Variants in NT5DC1 observed in about 807,000 individuals in gnomAD.
NT5DC1 encodes the protein 5'-nucleotidase domain-containing protein 1.
In NT5DC1, 42 loss-of-function variants were observed where a neutral mutation model predicts 59.4. That is an observed-to-expected ratio of 0.71 (90% CI 0.55 to 0.92). The LOEUF is 0.92. NT5DC1 is among the 40% of genes least tolerant of loss of function. The pLI, the probability that NT5DC1 is intolerant of heterozygous loss-of-function variation, is 0.00. For synonymous variants in NT5DC1, 172 were observed against 188.1 expected (o/e 0.91, Z 0.70); for missense variants, 501 against 537.1 (o/e 0.93, Z 0.66).
Position 116,131,878 on chromosome 6 carries a change from A to G in NT5DC1, c.529+13933A>G, listed in dbSNP as rs186355817. ...GTGTGTTGTTCCTCTCTATGTGTCC[A>G]TGGTTTCTTATCATTTAGCTCCTAC... is the stretch of plus-strand genomic sequence containing the variant. On this transcript the variant is annotated intron_variant, in intron 6 of 11. Coordinates refer to ENST00000319550, the MANE Select transcript of NT5DC1 (RefSeq NM_152729.3). 6.1e-3 allele frequency among the ~76,000 whole-genome samples: 934 copies of G among 152,084 alleles called. 7 individuals carry two copies. The highest frequency in any genetic ancestry group is 0.031 in the Middle Eastern group (9 of 294).
chr6:116,108,325 A>T, intron 2 of NT5DC1, 39 bp from the exon 3 acceptor site: 1 of 1,278,830 alleles, frequency 7.8e-7, no homozygotes, highest in Non-Finnish European at 1.1e-6. Context: ...GGTTAGCTAA[A>T]TATAGGAATT....
rs545003659 is a variant in NT5DC1 at position 116,150,284 on chromosome 6, CT to C, written c.529+32344del. Among the ~76,000 whole-genome samples the C allele has an allele frequency of 3.0e-3, 456 of 151,682 alleles. 7 individuals are homozygous for C. The highest frequency in any genetic ancestry group is 0.012 in the South Asian group (57 of 4,808). ...GAAAATGGTTTTTTTTTTATTTTAA[CT>C]TTTTAATTATTATTTTTTCAGACAA... On this transcript the variant is annotated intron_variant, in intron 6 of 11. Transcript: ENST00000319550.
intron 6 of NT5DC1, among the ~76,000 whole-genome samples, chr6:116,165,089 T>G (rs1354849279): frequency 6.1e-5 from 6 of 98,290 alleles, no homozygotes; most frequent in Non-Finnish European, 1.2e-4. Context: ...AGAGCGAGAC[T>G]CCGTCTCAGA....
chr6:116,152,557 C>T (rs1264700072), intron 6 of NT5DC1, among the ~76,000 whole-genome samples: 1 of 152,090 alleles, frequency 6.6e-6, no homozygotes, highest in African/African-American at 2.4e-5. Context: ...GATTTATTCC[C>T]CTCTATCTCA....
chr6:116,132,369 C>G (rs568136925), intron 6 of NT5DC1, among the ~76,000 whole-genome samples: 5 of 152,270 alleles, frequency 3.3e-5, no homozygotes, highest in East Asian at 1.9e-4. Flanking sequence ...GACCATTTCT[C>G]TAGCCTACTT....
intron 6 of NT5DC1, among the ~76,000 whole-genome samples, chr6:116,166,273 T>C (rs749898950): frequency 1.6e-4 from 24 of 152,276 alleles, no homozygotes; most frequent in Non-Finnish European, 3.4e-4. Context: ...ATCATGACCA[T>C]TCATCTATGT....
chr6:116,210,401 G>T (rs1781550994), intron 6 of NT5DC1, among the ~76,000 whole-genome samples: 1 of 151,780 alleles, frequency 6.6e-6, no homozygotes, highest in Non-Finnish European at 1.5e-5. Context: ...TGGTGACCCT[G>T]TAGTTACCAT....
chr6:116,162,392 G>T (rs1288027097), intron 6 of NT5DC1, among the ~76,000 whole-genome samples: 1 of 152,116 alleles, frequency 6.6e-6, no homozygotes, highest in Non-Finnish European at 1.5e-5. Context: ...TTCCCTGTAA[G>T]TATGATGTTG....
intron 6 of NT5DC1, among the ~76,000 whole-genome samples, chr6:116,209,710 A>G (rs1781534777): frequency 6.6e-6 from 1 of 151,838 alleles, no homozygotes; most frequent in South Asian, 2.1e-4. Context: ...TTCCTATCTC[A>G]GTGGAAGGTC....
intron 6 of NT5DC1, among the ~76,000 whole-genome samples, chr6:116,123,699 A>G (rs1325734331): frequency 6.6e-6 from 1 of 152,208 alleles, no homozygotes; most frequent in Non-Finnish European, 1.5e-5. Flanking sequence ...AATGTCTGCC[A>G]ATGGATGATA....
chr6:116,237,120 C>G, intron 9 of NT5DC1, 36 bp downstream of exon 9: 1 of 1,157,946 alleles, frequency 8.6e-7, no homozygotes, highest in South Asian at 1.2e-5. Flanking sequence ...TCAGTGCCCA[C>G]TTGCAGACAT....
chr6:116,211,462 T>C (rs944107374), intron 6 of NT5DC1, among the ~76,000 whole-genome samples: 4 of 152,130 alleles, frequency 2.6e-5, no homozygotes, highest in Non-Finnish European at 5.9e-5. Flanking sequence ...TCTCTTTAAA[T>C]AGTTCTTTTT....
intron 6 of NT5DC1, among the ~76,000 whole-genome samples, chr6:116,128,181 T>G (rs140727907): frequency 1.6e-4 from 25 of 152,284 alleles, no homozygotes; most frequent in African/African-American, 4.8e-4. Context: ...TTTTGGAAAA[T>G]GTGGTGTCCT....
At chr6:116,190,927 C>T (rs1179242134) in intron 6 of NT5DC1, among the ~76,000 whole-genome samples, 2 of 151,896 alleles carry the variant, frequency 1.3e-5, no homozygotes, top group East Asian at 3.9e-4. Flanking sequence ...AGGATGAATA[C>T]AAGGAAATCC....
intron 6 of NT5DC1, among the ~76,000 whole-genome samples, chr6:116,220,672 T>G (rs375403175): frequency 1.9e-4 from 29 of 152,354 alleles, no homozygotes; most frequent in African/African-American, 7.0e-4. Flanking sequence ...GATTTGTTTC[T>G]TGTCTGTATT....
At chr6:116,188,828 A>G (rs1265448585) in intron 6 of NT5DC1, among the ~76,000 whole-genome samples, 4 of 151,714 alleles carry the variant, frequency 2.6e-5, no homozygotes, top group South Asian at 2.1e-4. Context: ...AAGATTATGT[A>G]TAACTTCTGA....
At chr6:116,209,400 T>C (rs549859470) in intron 6 of NT5DC1, among the ~76,000 whole-genome samples, 81 of 152,164 alleles carry the variant, frequency 5.3e-4, no homozygotes, top group Non-Finnish European at 8.7e-4. Flanking sequence ...AGGAATCCTC[T>C]GGTACTTGCC....
chr6:116,195,330 A>C (rs576309941), intron 6 of NT5DC1, among the ~76,000 whole-genome samples: 4 of 152,204 alleles, frequency 2.6e-5, no homozygotes, highest in African/African-American at 9.6e-5. Context: ...AATTGACTCA[A>C]ACATTGGAAA....
chr6:116,152,166 T>C (rs1780059123), intron 6 of NT5DC1, among the ~76,000 whole-genome samples: 1 of 152,198 alleles, frequency 6.6e-6, no homozygotes, highest in Non-Finnish European at 1.5e-5. Flanking sequence ...ATACTTTCAG[T>C]ATGGTTGACT....
Sources: gnomAD v4.1 joint callset for allele counts (sites outside exome capture counted in the v4.1 genomes callset) on GRCh38, gnomAD v4.1.1 for gene constraint, MANE v1.5 for transcripts, NCBI Gene and HGNC (gene_info 2026-07-23, HGNC 2026-07-21) for gene names.